Variants in PIWIL2 observed in about 807,000 individuals in gnomAD.
PIWIL2 encodes the protein piwi-like protein 2.
PIWIL2 carries 81 observed loss-of-function variants against 116.5 expected under a neutral mutation model. The observed-to-expected ratio is 0.70, with a 90% CI of 0.58 to 0.84. The LOEUF (loss-of-function observed/expected upper bound fraction) is 0.84. Among genes scored for constraint, PIWIL2 ranks in the 40% least tolerant of loss-of-function variants. PIWIL2 has a pLI of 0.00. For missense variants in PIWIL2, 1,272 were observed against 1,212.3 expected, an observed-to-expected ratio of 1.05 and a Z score of -0.73; for synonymous variants, 489 against 429.5, an observed-to-expected ratio of 1.14 and a Z score of -1.71.
chr8:22,349,657 C>G (rs898652706), intron 20 of PIWIL2, among the ~76,000 whole-genome samples: 11 of 152,030 alleles, frequency 7.2e-5, no homozygotes, highest in African/African-American at 2.4e-4. Context: ...GGTCCTGGGT[C>G]ACCTGCCTTT....
intron 20 of PIWIL2, among the ~76,000 whole-genome samples, chr8:22,322,631 T>C (rs1036272894): frequency 1.3e-5 from 2 of 151,350 alleles, no homozygotes; most frequent in African/African-American, 4.9e-5. Flanking sequence ...GTCCTGTCCT[T>C]TCCTTTCCTT....
At chr8:22,354,031 C>T (rs1832436055) in intron 21 of PIWIL2, among the ~76,000 whole-genome samples, 1 of 152,046 alleles carries the variant, frequency 6.6e-6, no homozygotes, top group Admixed American at 6.6e-5. Context: ...CTGCCTCAGC[C>T]TTCCAAAGTG....
intron 20 of PIWIL2, among the ~76,000 whole-genome samples, chr8:22,342,128 T>G (rs1832124877): frequency 6.7e-6 from 1 of 149,722 alleles, no homozygotes; most frequent in Non-Finnish European, 1.5e-5. Context: ...GATGTACACA[T>G]GGAAAACTAC....
At chr8:22,345,536 C>T (rs777636709) in intron 20 of PIWIL2, among the ~76,000 whole-genome samples, 7 of 151,990 alleles carry the variant, frequency 4.6e-5, no homozygotes, top group Non-Finnish European at 8.8e-5. Flanking sequence ...TGGTGGTGTG[C>T]ACCTGTAATC....
intron 20 of PIWIL2, chr8:22,322,042 CTT>C: frequency 1.1e-6 from 1 of 940,318 alleles, no homozygotes; most frequent in Non-Finnish European, 1.3e-6. Context: ...TGTAAATAAA[CTT>C]TTTATTTTGG....
At chr8:22,349,935 G>A (rs997793877) in intron 20 of PIWIL2, among the ~76,000 whole-genome samples, 2 of 152,004 alleles carry the variant, frequency 1.3e-5, no homozygotes, top group East Asian at 1.9e-4. Context: ...GGTGTGGCTC[G>A]AGTCGTCTAC....
intron 22 of PIWIL2, 71 bp downstream of exon 22, chr8:22,354,449 T>C (rs1832445838): frequency 1.1e-6 from 1 of 888,766 alleles, no homozygotes; most frequent in Non-Finnish European, 1.9e-6. Context: ...ATGGGCTCAC[T>C]GTTCACCCCA....
chr8:22,292,111 A>G (rs1830780922), intron 10 of PIWIL2, among the ~76,000 whole-genome samples: 1 of 152,180 alleles, frequency 6.6e-6, no homozygotes, highest in Admixed American at 6.5e-5. Flanking sequence ...TGGTGCAGGC[A>G]CATGCAGGGT....
chr8:22,348,372 C>T (rs1319332544), intron 20 of PIWIL2, among the ~76,000 whole-genome samples: 1 of 152,020 alleles, frequency 6.6e-6, no homozygotes, highest in East Asian at 1.9e-4. Flanking sequence ...GTATTTGTTC[C>T]GTGAATGAAT....
At chr8:22,315,980 C>T (rs181106028) in intron 18 of PIWIL2, among the ~76,000 whole-genome samples, 4 of 152,152 alleles carry the variant, frequency 2.6e-5, no homozygotes, top group Non-Finnish European at 5.9e-5. Context: ...AATGCTCAAC[C>T]TGTGTTTTCT....
In PIWIL2 at chr8:22,275,409, G is replaced by C. The variant is rs1447161294; in HGVS notation, c.-47+11G>C. On this transcript the variant is annotated intron_variant, in intron 1 of 22. Transcript: ENST00000356766. ...AGGACTCGCGCACAGGTGAGTACTG[G>C]CCCCGGTTGCGGCATGCCAGGCAGG... The C allele has an allele frequency of 1.3e-5, 2 of 152,476 alleles. No homozygotes were observed. The highest frequency in any genetic ancestry group is 2.9e-5 in the Non-Finnish European group (2 of 68,230). The allele number at this position is 152,476 out of a possible 1,614,324, so 9.4% of individuals were successfully genotyped here.
intron 13 of PIWIL2, among the ~76,000 whole-genome samples, chr8:22,307,528 G>C (rs1165728468): frequency 7.1e-6 from 1 of 140,984 alleles, no homozygotes. Context: ...TGTTGCCCAG[G>C]CTGGAGGGCA....
rs796870518 is a variant in PIWIL2, at chr8:22,319,302, A to AT, written c.2403+1036dup. Reference sequence around the variant, plus strand: ...TAATACTGTTCAGTTATTAGAGGTTATTTTTTTTTAAAGTCTGTCTCCAGC... The same window carrying AT: ...TAATACTGTTCAGTTATTAGAGGTTATTTTTTTTTTAAAGTCTGTCTCCAGC... On this transcript the variant is annotated intron_variant, in intron 20 of 22. Coordinates refer to ENST00000356766, the MANE Select transcript of PIWIL2 (RefSeq NM_018068.5). Among the ~76,000 whole-genome samples, 26 of 151,704 alleles carry AT rather than the reference A, an allele frequency of 1.7e-4. 1 individual carries two copies. In the South Asian group the frequency reaches 4.8e-3, roughly 28 times the overall value.
Position 22,281,143 on chromosome 8 carries a change from G to A in PIWIL2, c.222G>A (p.Met74Ile). The part of the protein sequence containing the change: ...AQRESVGLVS[M>I]FRGLGIETVS... The stretch of plus-strand genomic sequence containing the variant: ...AGGAGTCTGTGGGTTTGGTCTCCAT[G>A]TTCCGAGGCCTGGGCATTGAAACAG... The change falls in exon 3 of 23, where the codon ATG becomes ATA. Residue 74 changes from methionine (M) to isoleucine (I), a missense_variant. Coordinates refer to ENST00000356766, the MANE Select transcript of PIWIL2 (RefSeq NM_018068.5). The A allele has an allele frequency of 1.9e-6, 3 of 1,612,564 alleles. No homozygotes were observed. The highest frequency in any genetic ancestry group is 2.2e-5 in the South Asian group (2 of 90,650).
intron 17 of PIWIL2, 42 bp from the exon 18 acceptor site, chr8:22,314,987 G>C: frequency 9.3e-7 from 1 of 1,073,768 alleles, no homozygotes; most frequent in Non-Finnish European, 1.4e-6. Context: ...GAGGTTGATA[G>C]TGACCTGCTT....
intron 16 of PIWIL2, among the ~76,000 whole-genome samples, chr8:22,313,675 A>C (rs1037249331): frequency 6.6e-6 from 1 of 152,166 alleles, no homozygotes; most frequent in Non-Finnish European, 1.5e-5. Context: ...AGGGTTGGCA[A>C]CCTTCTTTCA....
At chr8:22,298,290 T>C (rs1417060332) in intron 10 of PIWIL2, among the ~76,000 whole-genome samples, 2 of 151,912 alleles carry the variant, frequency 1.3e-5, no homozygotes, top group African/African-American at 4.8e-5. Context: ...GGCAAAAATA[T>C]TTTCAAATGA....
chr8:22,354,647 A>G (rs1832449681), intron 22 of PIWIL2, among the ~76,000 whole-genome samples: 1 of 152,202 alleles, frequency 6.6e-6, no homozygotes. Context: ...CCAGGCGATT[A>G]TGACATACAG....
chr8:22,290,975 T>TATATATATATATATATATATATATATATA (rs947701007), intron 10 of PIWIL2, among the ~76,000 whole-genome samples: 8 of 149,524 alleles, frequency 5.4e-5, no homozygotes, highest in Admixed American at 3.4e-4. Flanking sequence ...TGTATATATA[T>TATATATATATATATATATATATATATATA]TTTTTTTAAT....
Sources: gnomAD v4.1 joint callset for allele counts (sites outside exome capture counted in the v4.1 genomes callset) on GRCh38, gnomAD v4.1.1 for gene constraint, MANE v1.5 for transcripts, NCBI Gene and HGNC (gene_info 2026-07-23, HGNC 2026-07-21) for gene names.